Variants in GABRG3 observed in about 807,000 individuals in gnomAD.
GABRG3 encodes the protein gamma-aminobutyric acid type A receptor subunit gamma3.
In GABRG3, 25 loss-of-function variants were observed where a neutral mutation model predicts 48.8. The ratio of observed to expected loss-of-function variants is 0.51; its 90% confidence interval spans 0.37 to 0.72. The LOEUF is 0.72. GABRG3 is among the 30% of genes least tolerant of loss of function. GABRG3 has a pLI of 0.00. For missense variants in GABRG3, 394 were observed against 577.9 expected, an observed-to-expected ratio of 0.68 and a Z score of 3.26; for synonymous variants, 227 against 217.6, an observed-to-expected ratio of 1.04 and a Z score of -0.38.
rs546216417 is a variant in GABRG3 at position 27,463,486 on chromosome 15, T to G, written c.575-17164T>G. The stretch of plus-strand genomic sequence containing the variant: ...TAACAGTGGGCCAGAAGCAGATGAC[T>G]GTGAAGATGAAAGCTGAAACTCCCT... On this transcript the variant is annotated intron_variant, in intron 5 of 9. Coordinates refer to ENST00000615808, the MANE Select transcript of GABRG3 (RefSeq NM_033223.5). 1.1e-4 allele frequency among the ~76,000 whole-genome samples: 17 copies of G among 152,298 alleles called. No homozygotes were observed. The East Asian group carries it at 3.3e-3, about 29-fold the overall frequency.
At chr15:27,410,051 A>G (rs956461581) in intron 5 of GABRG3, among the ~76,000 whole-genome samples, 14 of 152,338 alleles carry the variant, frequency 9.2e-5, no homozygotes, top group African/African-American at 3.4e-4. Context: ...GTGTGATGTT[A>G]GATGAAATAT....
At position 26,977,089 on chromosome 15, in the gene GABRG3, G is replaced by A; in HGVS notation, c.141G>A (p.Val47=). Residue 47 remains valine, a synonymous_variant, in exon 2 of 10, where the codon GTG becomes GTA. Coordinates refer to ENST00000615808, the MANE Select transcript of GABRG3 (RefSeq NM_033223.5). ...VLAPKSQDTD[V]TLILNKLLRE... ...CTCCAAAATCCCAAGACACCGACGT[G>A]ACTCTTATTCTCAACAAGTTGCTAA... The A allele has an allele frequency of 6.2e-7, 1 of 1,613,978 alleles. No homozygotes were observed. The highest frequency in any genetic ancestry group is 8.5e-7 in the Non-Finnish European group (1 of 1,179,882).
chr15:27,178,984 G>A (rs1165162262), intron 3 of GABRG3, among the ~76,000 whole-genome samples: 1 of 152,202 alleles, frequency 6.6e-6, no homozygotes, highest in Non-Finnish European at 1.5e-5. Flanking sequence ...ACCTGCCTTG[G>A]GGAAGAGGGA....
intron 3 of GABRG3, among the ~76,000 whole-genome samples, chr15:27,134,048 A>G (rs1897965474): frequency 6.6e-6 from 1 of 152,232 alleles, no homozygotes; most frequent in African/African-American, 2.4e-5. Flanking sequence ...TCTGTAATTA[A>G]ATGCTTTGCT....
rs113460866 is a variant in GABRG3 at position 27,432,399 on chromosome 15, A to G, written c.575-48251A>G. 7.0e-3 allele frequency among the ~76,000 whole-genome samples: 1,071 copies of G among 152,216 alleles called. 10 individuals carry two copies. Among genetic ancestry groups the G allele is most frequent in the African/African-American group, 0.024 (1,013 of 41,526 alleles). ...AAGAAAAGTGTTACAAACAGAATAC[A>G]TTTACACTGTCTTTTACATTTGCCC... On this transcript the variant is annotated intron_variant, in intron 5 of 9. Coordinates refer to ENST00000615808, the MANE Select transcript of GABRG3 (RefSeq NM_033223.5).
intron 3 of GABRG3, among the ~76,000 whole-genome samples, chr15:27,033,171 C>G (rs1356269500): frequency 6.6e-6 from 1 of 151,878 alleles, no homozygotes; most frequent in East Asian, 1.9e-4. Flanking sequence ...CCCTCAAGCT[C>G]TCCCGGGTTC....
intron 3 of GABRG3, among the ~76,000 whole-genome samples, chr15:27,044,945 C>A (rs1275103566): frequency 6.6e-6 from 1 of 152,226 alleles, no homozygotes; most frequent in East Asian, 1.9e-4. Flanking sequence ...GAGCTTATTA[C>A]ACACAGCTGG....
chr15:27,403,137 A>C (rs1207332408), intron 5 of GABRG3, among the ~76,000 whole-genome samples: 1 of 152,210 alleles, frequency 6.6e-6, no homozygotes, highest in Non-Finnish European at 1.5e-5. Flanking sequence ...ATAAAAGAAA[A>C]AAATTAAGAC....
intron 5 of GABRG3, among the ~76,000 whole-genome samples, chr15:27,468,932 A>C (rs1050803474): frequency 1.6e-4 from 24 of 152,380 alleles, no homozygotes; most frequent in East Asian, 7.7e-4. Flanking sequence ...GTTGCACCTC[A>C]AACTGCAAAA....
chr15:27,089,443 C>G (rs1897147837), intron 3 of GABRG3, among the ~76,000 whole-genome samples: 1 of 152,102 alleles, frequency 6.6e-6, no homozygotes, highest in African/African-American at 2.4e-5. Context: ...CTAGGGCAGG[C>G]TGGCATTAGT....
At chr15:27,329,381 C>T (rs1458365685) in intron 5 of GABRG3, among the ~76,000 whole-genome samples, 3 of 152,164 alleles carry the variant, frequency 2.0e-5, no homozygotes, top group South Asian at 2.1e-4. Context: ...TCTCCTGCCT[C>T]AGCCTCCTAA....
At chr15:27,523,839 A>G (rs1370808941) in intron 7 of GABRG3, among the ~76,000 whole-genome samples, 1 of 152,052 alleles carries the variant, frequency 6.6e-6, no homozygotes, top group Non-Finnish European at 1.5e-5. Flanking sequence ...AATATATTGA[A>G]AAAAATAATA....
intron 5 of GABRG3, among the ~76,000 whole-genome samples, chr15:27,470,253 T>TC (rs1393972493): frequency 6.6e-6 from 1 of 151,918 alleles, no homozygotes; most frequent in East Asian, 1.9e-4. Flanking sequence ...TCTTTTTTTT[T>TC]TTCTTGAGGC....
At chr15:27,257,904 C>T (rs1481770340) in intron 3 of GABRG3, among the ~76,000 whole-genome samples, 1 of 90,042 alleles carries the variant, frequency 1.1e-5, no homozygotes, top group Non-Finnish European at 2.5e-5. Flanking sequence ...GATCCTCCCA[C>T]CTCTGCCTCT....
intron 3 of GABRG3, among the ~76,000 whole-genome samples, chr15:27,219,896 G>A (rs1019086032): frequency 2.0e-5 from 3 of 152,174 alleles, no homozygotes; most frequent in African/African-American, 7.2e-5. Flanking sequence ...TTTTTCATAA[G>A]AACGACTCCT....
chr15:27,402,308 T>C (rs1887497209), intron 5 of GABRG3, among the ~76,000 whole-genome samples: 1 of 152,208 alleles, frequency 6.6e-6, no homozygotes, highest in African/African-American at 2.4e-5. Context: ...TTCAGAATGC[T>C]AACAAGATAT....
At chr15:27,421,084 C>T (rs968216181) in intron 5 of GABRG3, among the ~76,000 whole-genome samples, 1 of 152,136 alleles carries the variant, frequency 6.6e-6, no homozygotes, top group Non-Finnish European at 1.5e-5. Context: ...GAAGGGCACA[C>T]ACTGCATCTG....
At chr15:27,251,890 G>A (rs1304950597) in intron 3 of GABRG3, among the ~76,000 whole-genome samples, 1 of 152,158 alleles carries the variant, frequency 6.6e-6, no homozygotes, top group Non-Finnish European at 1.5e-5. Context: ...TGATAGCCCG[G>A]GCCTGCGTCC....
In GABRG3 at chr15:27,180,150, C is replaced by T. The variant is rs1887881224; in HGVS notation, c.271-146659C>T. Among the ~76,000 whole-genome samples, 2 of 152,090 alleles carry T rather than the reference C, an allele frequency of 1.3e-5. No homozygotes were observed. The highest frequency in any genetic ancestry group is 4.8e-5 in the African/African-American group (2 of 41,388). On this transcript the variant is annotated intron_variant, in intron 3 of 9. Coordinates refer to ENST00000615808, the MANE Select transcript of GABRG3 (RefSeq NM_033223.5). The surrounding 1 kb of genome is among the most constrained non-coding windows in gnomAD (Gnocchi z 4.2). ...AGAGCTCACAAAGAAGTTGTCCAGG[C>T]CCGGGGGGTGAGATACATAAATTGA... is the stretch of plus-strand genomic sequence containing the variant.
Sources: allele counts gnomAD v4.1 joint callset (sites outside exome capture counted in the v4.1 genomes callset), GRCh38; gene constraint gnomAD v4.1.1; non-coding constraint Gnocchi (gnomAD v3.1); transcripts MANE v1.5; gene names NCBI Gene and HGNC (gene_info 2026-07-23, HGNC 2026-07-21).